WWOX: variants seen among roughly 807,000 people sequenced by gnomAD.
WWOX encodes WW domain-containing oxidoreductase.
Under a neutral mutation model 46.2 loss-of-function variants are expected in WWOX, and 69 were observed. The observed-to-expected ratio is 1.49, with a 90% CI of 1.23 to 1.82. The LOEUF (loss-of-function observed/expected upper bound fraction) is 1.82. WWOX is among the 40% of genes most tolerant of loss of function. The pLI is 0.00. For missense variants in WWOX, 919 were observed against 542.6 expected (o/e 1.69, Z -6.89); for synonymous variants, 359 against 202.6 (o/e 1.77, Z -6.56).
rs202068400 is a variant in WWOX at position 78,219,202 on chromosome 16, T to TAA, written c.516+54924_516+54925dup. Among the ~76,000 whole-genome samples, 15 of 146,948 alleles carry TAA rather than the reference T, an allele frequency of 1.0e-4. No individual in the cohort carries two copies. In the South Asian group the frequency reaches 1.3e-3, roughly 13 times the overall value. ...ACTCTTAAATTAAGTGGAGCAGAGT[T>TAA]AAAAAAAAAAAATCACTGGATTTGA... On this transcript the variant is annotated intron_variant, in intron 5 of 8. Coordinates refer to ENST00000566780, the MANE Select transcript of WWOX (RefSeq NM_016373.4).
chr16:78,720,582 A>C (rs60582789), intron 8 of WWOX, among the ~76,000 whole-genome samples: 137 of 152,034 alleles, frequency 9.0e-4, no homozygotes, highest in African/African-American at 3.2e-3. Flanking sequence ...CCAGATGTTC[A>C]GGATTTCAGA....
At chr16:79,022,206 G>T (rs143725409) in intron 8 of WWOX, among the ~76,000 whole-genome samples, 74 of 152,284 alleles carry the variant, frequency 4.9e-4, no homozygotes, top group African/African-American at 1.6e-3. Flanking sequence ...GACTGGGGAT[G>T]GAGCTTTAGG....
chr16:78,461,021 G>C (rs1332542067), intron 8 of WWOX, among the ~76,000 whole-genome samples: 2 of 152,230 alleles, frequency 1.3e-5, no homozygotes, highest in Non-Finnish European at 2.9e-5. Context: ...TACTTGAAGA[G>C]TGGACATCTG....
chr16:78,844,354 C>T (rs1026789960), intron 8 of WWOX, among the ~76,000 whole-genome samples: 1 of 152,158 alleles, frequency 6.6e-6, no homozygotes, highest in Non-Finnish European at 1.5e-5. Context: ...ATCCTCTTAT[C>T]TACCATATGC....
At chr16:78,696,826 C>T (rs540644253) in intron 8 of WWOX, among the ~76,000 whole-genome samples, 4 of 152,236 alleles carry the variant, frequency 2.6e-5, no homozygotes, top group Admixed American at 1.3e-4. Flanking sequence ...ACCACTCTTT[C>T]CCTCTCAGTC....
At chr16:78,355,760 A>T in intron 5 of WWOX, 1 of 708,082 alleles carries the variant, frequency 1.4e-6, no homozygotes, top group East Asian at 3.5e-5. Flanking sequence ...TGAATCAACA[A>T]AACAGAATAT....
intron 8 of WWOX, among the ~76,000 whole-genome samples, chr16:78,802,406 C>G (rs181774662): frequency 2.6e-5 from 4 of 151,568 alleles, no homozygotes; most frequent in African/African-American, 9.7e-5. Flanking sequence ...AGATAAATGC[C>G]GAGGAAGCAA....
At chr16:78,643,931 C>T (rs565627111) in intron 8 of WWOX, among the ~76,000 whole-genome samples, 70 of 151,890 alleles carry the variant, frequency 4.6e-4, no homozygotes, top group African/African-American at 1.5e-3. Flanking sequence ...AAACAAACAA[C>T]AAAAAACACA....
intron 8 of WWOX, among the ~76,000 whole-genome samples, chr16:78,931,069 TA>T (rs1166385295): frequency 1.3e-5 from 2 of 152,170 alleles, no homozygotes; most frequent in African/African-American, 4.8e-5. Flanking sequence ...ATGTTTTACT[TA>T]GTGATGAGCA....
At chr16:78,971,448 C>CAAAAA (rs71140852) in intron 8 of WWOX, among the ~76,000 whole-genome samples, 16 of 111,884 alleles carry the variant, frequency 1.4e-4, no homozygotes, top group African/African-American at 5.1e-4. Context: ...GACTCTGTGT[C>CAAAAA]AAAAAAAAAA....
chr16:79,154,116 T>C (rs1209169973), intron 8 of WWOX, among the ~76,000 whole-genome samples: 1 of 152,194 alleles, frequency 6.6e-6, no homozygotes, highest in Non-Finnish European at 1.5e-5. Context: ...TAAAAACAAG[T>C]TCTCATCTAT....
intron 8 of WWOX, among the ~76,000 whole-genome samples, chr16:78,434,523 G>A (rs1242645141): frequency 4.6e-5 from 7 of 152,216 alleles, no homozygotes; most frequent in African/African-American, 7.2e-5. Context: ...ATGGGGAGAG[G>A]AGAGAGGTGG....
intron 8 of WWOX, among the ~76,000 whole-genome samples, chr16:78,971,716 C>A (rs559960695): frequency 6.6e-6 from 1 of 151,860 alleles, no homozygotes; most frequent in Non-Finnish European, 1.5e-5. Flanking sequence ...AATCGCCCCC[C>A]CACCCCGATC....
intron 8 of WWOX, among the ~76,000 whole-genome samples, chr16:78,748,718 C>T (rs2049407478): frequency 6.6e-6 from 1 of 152,208 alleles, no homozygotes; most frequent in Non-Finnish European, 1.5e-5. Flanking sequence ...AGGGTTCCCT[C>T]ATTCCCTCTG....
intron 8 of WWOX, among the ~76,000 whole-genome samples, chr16:79,124,749 C>G (rs2049714493): frequency 6.6e-6 from 1 of 152,072 alleles, no homozygotes; most frequent in African/African-American, 2.4e-5. Flanking sequence ...GTGTTTTGGT[C>G]AAGAGAAACT....
chr16:78,518,374 G>A (rs1374368490), intron 8 of WWOX, among the ~76,000 whole-genome samples: 3 of 151,956 alleles, frequency 2.0e-5, no homozygotes, highest in Non-Finnish European at 4.4e-5. Context: ...TGGGACTATA[G>A]GCACCTGGCT....
At chr16:79,029,193 C>T (rs539997217) in intron 8 of WWOX, among the ~76,000 whole-genome samples, 7 of 152,122 alleles carry the variant, frequency 4.6e-5, no homozygotes, top group Admixed American at 2.6e-4. Flanking sequence ...ACTTTGGGTA[C>T]AGATGCACAG....
intron 8 of WWOX, among the ~76,000 whole-genome samples, chr16:78,686,980 A>G (rs2047876410): frequency 6.6e-6 from 1 of 152,200 alleles, no homozygotes; most frequent in South Asian, 2.1e-4. Context: ...GAACATCACG[A>G]TCTATATCTC....
chr16:78,377,070 T>C lies in WWOX; in HGVS notation c.517-9790T>C, dbSNP rs368787312. Among the ~76,000 whole-genome samples the C allele has an allele frequency of 3.8e-4, 58 of 152,362 alleles. 1 individual carries two copies. The East Asian group carries it at 4.2e-3, about 11-fold the overall frequency. On this transcript the variant is annotated intron_variant, in intron 5 of 8. Coordinates refer to ENST00000566780, the MANE Select transcript of WWOX (RefSeq NM_016373.4). ...AGGTGGGGCACTGATTTTTCTTTTATCACTGACTTCCCCGAAGTGGGAAGT... is the reference window on the plus strand; with the variant it reads ...AGGTGGGGCACTGATTTTTCTTTTACCACTGACTTCCCCGAAGTGGGAAGT...
Sources: allele counts gnomAD v4.1 joint callset (sites outside exome capture counted in the v4.1 genomes callset), GRCh38; gene constraint gnomAD v4.1.1; transcripts MANE v1.5; gene names NCBI Gene and HGNC (gene_info 2026-07-23, HGNC 2026-07-21).